NYAP2: variants seen among roughly 807,000 people sequenced by gnomAD.
NYAP2 encodes neuronal tyrosine-phosphorylated phosphoinositide-3-kinase adaptor 2, also known as neuronal tyrosine-phosphorylated phosphoinositide-3-kinase adapter 2.
Under a neutral mutation model 50.4 loss-of-function variants are expected in NYAP2, and 23 were observed. The ratio of observed to expected loss-of-function variants is 0.46; its 90% confidence interval spans 0.33 to 0.65. The LOEUF (loss-of-function observed/expected upper bound fraction) is 0.65, where lower values mean the gene tolerates loss of function less well. NYAP2 is among the 30% of genes least tolerant of loss of function. The pLI is 0.02. For synonymous variants in NYAP2, 394 were observed against 365.2 expected, an observed-to-expected ratio of 1.08 and a Z score of -0.90; for missense variants, 885 against 861.0, an observed-to-expected ratio of 1.03 and a Z score of -0.35.
At chr2:225,673,599 T>A in the NYAP2 span, among the ~76,000 whole-genome samples, 9 of 152,164 alleles carry the variant, frequency 5.9e-5, no homozygotes, top group Non-Finnish European at 1.2e-4. Context: ...CTACACTTTT[T>A]AAATTTTTCT....
At position 225,446,930 on chromosome 2, in the gene NYAP2, A is replaced by G. The variant is rs563453969; in HGVS notation, c.221+37829A>G. 8.5e-5 allele frequency among the ~76,000 whole-genome samples: 13 copies of G among 152,272 alleles called. No homozygotes were observed. In the South Asian group the frequency reaches 1.0e-3, roughly 12 times the overall value. On this transcript the variant is annotated intron_variant, in intron 3 of 6. Transcript: ENST00000636099. Reference sequence around the variant, plus strand: ...TCTAGTCCCACAGGACAATTCAACCAGAGAGGCTATCTGAAGACAAAGCAG... The same window carrying G: ...TCTAGTCCCACAGGACAATTCAACCGGAGAGGCTATCTGAAGACAAAGCAG...
chr2:225,674,630 G>A, the NYAP2 span, among the ~76,000 whole-genome samples: 3 of 152,116 alleles, frequency 2.0e-5, no homozygotes, highest in South Asian at 4.2e-4. Flanking sequence ...CATGACCCCC[G>A]ACATGTCATT....
chr2:225,535,093 T>C (rs1208196197), intron 4 of NYAP2, among the ~76,000 whole-genome samples: 1 of 152,212 alleles, frequency 6.6e-6, no homozygotes, highest in East Asian at 1.9e-4. Flanking sequence ...TAATAGCTTT[T>C]GGGTGTCTTA....
In NYAP2 at chr2:225,637,987, G is replaced by A. The variant is rs1022586435; in HGVS notation, c.1828+10861G>A. ...AGCTTGCAAAGGAGTTGATCGAAAT[G>A]AATATTGTTGTCCTTAACTGAACTC... is the stretch of plus-strand genomic sequence containing the variant. On this transcript the variant is annotated intron_variant, in intron 6 of 6. Coordinates refer to ENST00000636099, the Ensembl canonical transcript of NYAP2. Among the ~76,000 whole-genome samples the A allele has an allele frequency of 7.9e-5, 12 of 152,320 alleles. No homozygotes were observed. In the East Asian group the frequency reaches 2.3e-3, roughly 29 times the overall value.
intron 6 of NYAP2, among the ~76,000 whole-genome samples, chr2:225,645,526 A>G (rs1371140512): frequency 1.4e-5 from 2 of 143,402 alleles, no homozygotes; most frequent in Non-Finnish European, 3.1e-5. Context: ...CCTCTTTCTC[A>G]TTTTTTTCTT....
intron 4 of NYAP2, among the ~76,000 whole-genome samples, chr2:225,530,158 T>G (rs1315456963): frequency 6.6e-6 from 1 of 152,216 alleles, no homozygotes; most frequent in African/African-American, 2.4e-5. Flanking sequence ...ACTCTCCATC[T>G]CATAGATTTA....
chr2:225,476,171 T>C (rs1356005411), intron 3 of NYAP2, among the ~76,000 whole-genome samples: 1 of 152,174 alleles, frequency 6.6e-6, no homozygotes, highest in Non-Finnish European at 1.5e-5. Flanking sequence ...CCCAGCACTT[T>C]GGGAGGCCTA....
chr2:225,665,547 G>A, the NYAP2 span, among the ~76,000 whole-genome samples: 4 of 150,834 alleles, frequency 2.7e-5, no homozygotes, highest in Non-Finnish European at 5.9e-5. Flanking sequence ...GCCAGGAGAG[G>A]GCAGCACACC....
At chr2:225,607,312 A>G (rs958047172) in intron 5 of NYAP2, among the ~76,000 whole-genome samples, 1 of 152,120 alleles carries the variant, frequency 6.6e-6, no homozygotes, top group Non-Finnish European at 1.5e-5. Context: ...TACCAGGGTC[A>G]GGTTTTCCAG....
chr2:225,660,430 A>G, the NYAP2 span, among the ~76,000 whole-genome samples: 2 of 138,834 alleles, frequency 1.4e-5, no homozygotes, highest in Non-Finnish European at 1.5e-5. Context: ...GGTATTAGAG[A>G]CACAGGATAC....
At chr2:225,676,481 A>G in the NYAP2 span, among the ~76,000 whole-genome samples, 1 of 152,068 alleles carries the variant, frequency 6.6e-6, no homozygotes, top group Non-Finnish European at 1.5e-5. Context: ...TTTACAAAAG[A>G]AAGAGGTTTA....
At chr2:225,604,714 TA>T (rs1000140593) in intron 5 of NYAP2, among the ~76,000 whole-genome samples, 5 of 152,150 alleles carry the variant, frequency 3.3e-5, no homozygotes, top group African/African-American at 9.6e-5. Flanking sequence ...TTTATATGTA[TA>T]TTTTTTTCCC....
At chr2:225,428,521 G>A (rs553229738) in intron 3 of NYAP2, among the ~76,000 whole-genome samples, 1 of 152,276 alleles carries the variant, frequency 6.6e-6, no homozygotes, top group African/African-American at 2.4e-5. Context: ...TGCCCTCAAG[G>A]CTACTTAAAT....
At chr2:225,436,085 A>G (rs969016520) in intron 3 of NYAP2, among the ~76,000 whole-genome samples, 2 of 152,208 alleles carry the variant, frequency 1.3e-5, no homozygotes, top group Non-Finnish European at 2.9e-5. Flanking sequence ...GACTCCATCC[A>G]GTCTAGCCCC....
At chr2:225,402,888 C>T (rs1408099088) in intron 2 of NYAP2, among the ~76,000 whole-genome samples, 1 of 151,936 alleles carries the variant, frequency 6.6e-6, no homozygotes, top group Non-Finnish European at 1.5e-5. Context: ...AAAATTTTGA[C>T]ATGGTTTACA....
At chr2:225,496,212 A>G (rs1690502188) in intron 3 of NYAP2, among the ~76,000 whole-genome samples, 1 of 152,216 alleles carries the variant, frequency 6.6e-6, no homozygotes, top group South Asian at 2.1e-4. Context: ...TGGTAGTCAC[A>G]CATACAGACG....
intron 3 of NYAP2, among the ~76,000 whole-genome samples, chr2:225,481,249 A>T (rs1416901999): frequency 6.6e-6 from 1 of 152,102 alleles, no homozygotes; most frequent in African/African-American, 2.4e-5. Context: ...TTATAACTCT[A>T]CTTTTATCAG....
intron 4 of NYAP2, among the ~76,000 whole-genome samples, chr2:225,546,498 C>T (rs900015357): frequency 3.9e-5 from 6 of 152,028 alleles, no homozygotes; most frequent in African/African-American, 1.4e-4. Context: ...TACTGTCAGG[C>T]TACTGCCGAT....
Position 225,612,175 on chromosome 2 carries a change from C to T in NYAP2, c.1619-14742C>T, listed in dbSNP as rs75802845. ...TTTATGACTGTCTATTGAAGTGTCTCAGGAGATGAGTTGTGTATAAGATGT... is the reference window on the plus strand; with the variant it reads ...TTTATGACTGTCTATTGAAGTGTCTTAGGAGATGAGTTGTGTATAAGATGT... On this transcript the variant is annotated intron_variant, in intron 5 of 6. Coordinates refer to ENST00000636099, the Ensembl canonical transcript of NYAP2. Among the ~76,000 whole-genome samples the T allele has an allele frequency of 5.8e-3, 862 of 149,336 alleles. 12 individuals are homozygous for T. The highest frequency in any genetic ancestry group is 0.02 in the African/African-American group (821 of 40,350).
Sources: allele counts gnomAD v4.1 joint callset (sites outside exome capture counted in the v4.1 genomes callset), GRCh38; gene constraint gnomAD v4.1.1; transcripts MANE v1.5; gene names NCBI Gene and HGNC (gene_info 2026-07-23, HGNC 2026-07-21).